The following PASK variants were observed in gnomAD, a reference collection of about 807,000 sequenced individuals.
The protein encoded by PASK is PAS domain containing serine/threonine kinase, also known as PAS domain-containing serine/threonine-protein kinase.
A neutral mutation model predicts 121.0 loss-of-function variants in PASK; 110 were observed. That is an observed-to-expected ratio of 0.91 (90% CI 0.78 to 1.06). The LOEUF is 1.06. PASK is among the 50% of genes least tolerant of loss of function. PASK has a pLI of 0.00. For synonymous variants in PASK, 686 were observed against 717.8 expected (o/e 0.96, Z 0.71); for missense variants, 1,643 against 1,702.3 (o/e 0.97, Z 0.61).
At chr2:241,136,685 T>C (rs1033602774) in intron 7 of PASK, among the ~76,000 whole-genome samples, 1 of 152,266 alleles carries the variant, frequency 6.6e-6, no homozygotes, top group Non-Finnish European at 1.5e-5. Flanking sequence ...AGCTACTTTT[T>C]AGTATTTCTA....
chr2:241,136,148 C>A, intron 7 of PASK, 109 bp from the exon 8 acceptor site: 1 of 1,016,630 alleles, frequency 9.8e-7, no homozygotes, highest in Non-Finnish European at 1.6e-6. Flanking sequence ...CCTGAGGGTT[C>A]ACCCTTAAGG....
At chr2:241,133,227 C>T (rs991102152) in intron 8 of PASK, 197 bp from the exon 9 acceptor site, 3 of 649,880 alleles carry the variant, frequency 4.6e-6, no homozygotes, top group Non-Finnish European at 8.4e-6. Context: ...GCCCAGGACA[C>T]CTGCAGCCAG....
rs147533549 is a variant in PASK at position 241,121,946 on chromosome 2, A to G, written c.3072+786T>C. ...AAATTTAAAGAAACTGACATTATAC[A>G]AAGTATGTTCTCTATAAAGAAATTA... On this transcript the variant is annotated intron_variant, in intron 12 of 17. Transcript: ENST00000234040. 6.1e-3 allele frequency among the ~76,000 whole-genome samples: 922 copies of G among 152,378 alleles called. 6 individuals carry two copies. The highest frequency in any genetic ancestry group is 0.021 in the African/African-American group (876 of 41,588).
intron 9 of PASK, among the ~76,000 whole-genome samples, chr2:241,132,587 C>A (rs1252956496): frequency 1.4e-5 from 2 of 145,278 alleles, no homozygotes; most frequent in African/African-American, 5.1e-5. Flanking sequence ...CATCAGTTCT[C>A]TGAAATCTAC....
In PASK at chr2:241,132,864, A is replaced by C; in HGVS notation, c.1463+10T>G. ...TTAGTAAACCTGCAACCTCCCACCA[A>C]GGGACTTACCCTGGAGCAGGCTGAG... On this transcript the variant is annotated intron_variant, in intron 9 of 17. Transcript: ENST00000234040. 1 of 1,612,172 alleles carries C rather than the reference A, an allele frequency of 6.2e-7. No individual in the cohort carries two copies. Among genetic ancestry groups the C allele is most frequent in the Non-Finnish European group, 8.5e-7 (1 of 1,178,202 alleles).
intron 8 of PASK, chr2:241,133,454 A>T (rs2066263760): frequency 3.3e-6 from 1 of 301,562 alleles, no homozygotes; most frequent in African/African-American, 2.2e-5. Context: ...GAAATGCTGT[A>T]CCTGGGTATC....
intron 1 of PASK, among the ~76,000 whole-genome samples, chr2:241,146,843 T>C (rs995876144): frequency 2.0e-5 from 3 of 152,222 alleles, no homozygotes; most frequent in African/African-American, 7.2e-5. Flanking sequence ...TGGGTTCAAA[T>C]GCATCCACTC....
chr2:241,128,342 G>A (rs182884683), intron 9 of PASK, among the ~76,000 whole-genome samples: 9 of 152,276 alleles, frequency 5.9e-5, no homozygotes, highest in Admixed American at 2.6e-4. Flanking sequence ...TGGTGAGGGC[G>A]GCTCCTAAGA....
chr2:241,106,753 G>T (rs375810546), intron 17 of PASK, 30 bp from the exon 18 acceptor site: 7 of 1,609,262 alleles, frequency 4.3e-6, no homozygotes, highest in Non-Finnish European at 6.0e-6. Flanking sequence ...ACTGTATCAC[G>T]TGCTAACAAC....
At position 241,107,347 on chromosome 2, in the gene PASK, C is replaced by G; in HGVS notation, c.3814+6G>C. ...TGTGGGGTGGAGGGATGCTGAGAAG[C>G]CTCACCTGGCTTGTTTACTCGAAAC... is the stretch of plus-strand genomic sequence containing the variant. On this transcript the variant is annotated splice_donor_region_variant and intron_variant, in intron 17 of 17. Transcript: ENST00000234040. 6.2e-7 allele frequency: 1 copy of G among 1,613,178 alleles called. No homozygotes were observed. The highest frequency in any genetic ancestry group is 8.5e-7 in the Non-Finnish European group (1 of 1,179,196).
rs1202468509 is a variant in PASK at position 241,126,214 on chromosome 2, G to T, written c.2701C>A (p.Arg901=). 2 of 1,614,002 alleles carry T rather than the reference G, an allele frequency of 1.2e-6. No individual in the cohort carries two copies. The highest frequency in any genetic ancestry group is 1.7e-6 in the Non-Finnish European group (2 of 1,180,000). The change falls in exon 10 of 18, where the codon CGA becomes AGA. Residue 901 remains arginine (R), a synonymous_variant. Coordinates refer to ENST00000234040, the MANE Select transcript of PASK (RefSeq NM_015148.4). The part of the protein sequence containing the change: ...EGAYSGSCYH[R]DGLRLSIQFE... Reference sequence around the variant, plus strand: ...GACATACTCAGCCGTAAGCCATCTCGATGGTAGCAGCTCCCGGAGTAGGCA... The same window carrying T: ...GACATACTCAGCCGTAAGCCATCTCTATGGTAGCAGCTCCCGGAGTAGGCA...
intron 10 of PASK, among the ~76,000 whole-genome samples, chr2:241,125,936 C>T (rs147359458): frequency 2.7e-3 from 408 of 152,304 alleles, no homozygotes; most frequent in African/African-American, 9.3e-3. Flanking sequence ...AGTGTATGGC[C>T]TGAGTCAGGG....
chr2:241,122,806 T>A lies in PASK; in HGVS notation c.2998A>T (p.Ser1000Cys). 1 of 1,614,224 alleles carries A rather than the reference T, an allele frequency of 6.2e-7. No homozygotes were observed. The highest frequency in any genetic ancestry group is 8.5e-7 in the Non-Finnish European group (1 of 1,180,030). The change falls in exon 12 of 18, where the codon AGT becomes TGT. Residue 1000 changes from serine to cysteine, a missense_variant. Physicochemically the swap from Ser to Cys is moderately radical, Grantham distance 112. This residue lies in a region of PASK where 453 missense variants were observed against 511.2 expected (regional missense o/e 0.89). Coordinates refer to ENST00000234040, the MANE Select transcript of PASK (RefSeq NM_015148.4). ...ACEGEYSQKY[S>C]TMSPLGSGAF... is the part of the protein sequence containing the mutation. The stretch of plus-strand genomic sequence containing the variant: ...CCACTGCCCAGCGGGCTCATGGTAC[T>A]GTACTTTTGGGAGTACTCGCCCTCA...
At chr2:241,147,000 C>A (rs1376819693) in intron 1 of PASK, among the ~76,000 whole-genome samples, 5 of 152,210 alleles carry the variant, frequency 3.3e-5, no homozygotes, top group Non-Finnish European at 5.9e-5. Flanking sequence ...GTGTAGGAAG[C>A]TATTACATAT....
At chr2:241,109,594 G>C (rs1467523025) in intron 15 of PASK, 3 of 152,870 alleles carry the variant, frequency 2.0e-5, no homozygotes, top group African/African-American at 7.2e-5. Context: ...ACAGAGGCCA[G>C]AGCAGCAGCG....
chr2:241,127,499 C>T, intron 9 of PASK, 48 bp from the exon 10 acceptor site: 2 of 1,405,492 alleles, frequency 1.4e-6, no homozygotes, highest in Non-Finnish European at 2.0e-6. Context: ...ACAGATGAGT[C>T]AAAAGGAGAG....
In PASK at chr2:241,122,898, A is replaced by C; in HGVS notation, c.2906T>G (p.Val969Gly). ...AELTGPSLVEVLRARPWFEEP... is the reference protein window; with the variant it reads ...AELTGPSLVEGLRARPWFEEP... ...CTCAAACCAGGGTCTGGCTCTGAGC[A>C]CCTGCAATGCAGAAGAAGGTCTGTG... is the stretch of plus-strand genomic sequence containing the variant. Residue 969 changes from valine (V) to glycine (G), a missense_variant and splice_region_variant, in exon 12 of 18, where the codon GTG becomes GGG. Transcript: ENST00000234040. 6.2e-7 allele frequency: 1 copy of C among 1,613,736 alleles called. No individual in the cohort carries two copies. The highest frequency in any genetic ancestry group is 8.5e-7 in the Non-Finnish European group (1 of 1,179,742).
chr2:241,132,527 T>TAAAAAAAAAAAAA (rs71049553), intron 9 of PASK, among the ~76,000 whole-genome samples: 28 of 39,522 alleles, frequency 7.1e-4, no homozygotes, highest in East Asian at 1.8e-3. Flanking sequence ...AGACTCTGTC[T>TAAAAAAAAAAAAA]AAAAAAAAAA....
chr2:241,123,835 A>AT, intron 11 of PASK, 114 bp downstream of exon 11: 3 of 842,540 alleles, frequency 3.6e-6, no homozygotes, highest in Non-Finnish European at 5.6e-6. Context: ...AAAAAAAAAA[A>AT]GCTACAAACA....
Sources: allele counts gnomAD v4.1 joint callset (sites outside exome capture counted in the v4.1 genomes callset), GRCh38; gene constraint gnomAD v4.1.1; regional missense constraint gnomAD v4.1.1; transcripts MANE v1.5; gene names NCBI Gene and HGNC (gene_info 2026-07-23, HGNC 2026-07-21).